PRDM16: variants seen among roughly 807,000 people sequenced by gnomAD.
PRDM16 encodes the protein histone-lysine N-methyltransferase PRDM16.
A neutral mutation model predicts 110.6 loss-of-function variants in PRDM16; 23 were observed. That is an observed-to-expected ratio of 0.21 (90% CI 0.15 to 0.29). PRDM16 has a LOEUF of 0.29. Ranked by LOEUF, PRDM16 falls within the 10% of genes least tolerant of loss-of-function variation. PRDM16 has a pLI of 1.00. For missense variants in PRDM16, 1,615 were observed against 1,794.3 expected, an observed-to-expected ratio of 0.90 and a Z score of 1.81; for synonymous variants, 799 against 781.8, an observed-to-expected ratio of 1.02 and a Z score of -0.37.
chr1:3,119,291 C>CA (rs1382992439), intron 1 of PRDM16, among the ~76,000 whole-genome samples: 2 of 152,236 alleles, frequency 1.3e-5, no homozygotes, highest in African/African-American at 4.8e-5. Context: ...GTGCCGTGGA[C>CA]ATTCTTTGTG....
At chr1:3,099,899 C>T (rs1180972565) in intron 1 of PRDM16, among the ~76,000 whole-genome samples, 2 of 152,212 alleles carry the variant, frequency 1.3e-5, no homozygotes, top group African/African-American at 4.8e-5. Context: ...TACAGAGGAC[C>T]TGAAGGCTCT....
In PRDM16 at chr1:3,404,805, C is replaced by T. The variant is rs1265460691; in HGVS notation, c.951C>T (p.Ala317=). The T allele has an allele frequency of 6.2e-7, 1 of 1,613,742 alleles. No individual in the cohort carries two copies. Among genetic ancestry groups the T allele is most frequent in the South Asian group, 1.1e-5 (1 of 91,088 alleles). Reference sequence around the variant, plus strand: ...ACAAATGCGACCAGTGTCCCAAGGCCTTCAACTGGAAGTCCAACCTCATCC... The same window carrying T: ...ACAAATGCGACCAGTGTCCCAAGGCTTTCAACTGGAAGTCCAACCTCATCC... ...REYKCDQCPK[A]FNWKSNLIRH... Residue 317 remains alanine, a synonymous_variant, in exon 7 of 17, where the codon GCC becomes GCT. Transcript: ENST00000270722.
At chr1:3,109,265 G>A (rs1445881472) in intron 1 of PRDM16, among the ~76,000 whole-genome samples, 2 of 152,062 alleles carry the variant, frequency 1.3e-5, no homozygotes, top group Non-Finnish European at 2.9e-5. Context: ...CAGGTGGGTG[G>A]GCTGCCACCA....
intron 1 of PRDM16, among the ~76,000 whole-genome samples, chr1:3,072,294 T>G (rs1641782772): frequency 6.6e-6 from 1 of 152,206 alleles, no homozygotes; most frequent in African/African-American, 2.4e-5. Context: ...TGGATCACCA[T>G]CGCCCTCATA....
At chr1:3,114,199 GCA>G (rs1553127283) in intron 1 of PRDM16, among the ~76,000 whole-genome samples, 3 of 110,350 alleles carry the variant, frequency 2.7e-5, no homozygotes, top group African/African-American at 1.1e-4. Flanking sequence ...ACACGCACAC[GCA>G]CGCACACACG....
At chr1:3,267,260 C>CA (rs1640316718) in intron 3 of PRDM16, among the ~76,000 whole-genome samples, 1 of 152,190 alleles carries the variant, frequency 6.6e-6, no homozygotes. Flanking sequence ...CTCATGGAGT[C>CA]ATGCAGCGTG....
chr1:3,409,185 G>C (rs569835622), intron 8 of PRDM16, among the ~76,000 whole-genome samples: 2 of 146,724 alleles, frequency 1.4e-5, no homozygotes, highest in South Asian at 2.1e-4. Flanking sequence ...GAGTTGGTGC[G>C]TGTGTGTGTG....
intron 2 of PRDM16, among the ~76,000 whole-genome samples, chr1:3,215,602 C>T (rs577452660): frequency 2.0e-5 from 3 of 152,336 alleles, no homozygotes; most frequent in South Asian, 4.1e-4. Flanking sequence ...CAGAACCCCA[C>T]AGGGGCCCTG....
At chr1:3,087,096 G>T (rs2493213) in intron 1 of PRDM16, among the ~76,000 whole-genome samples, 109,016 of 151,896 alleles carry the variant, frequency 0.72, 39,516 homozygotes, top group East Asian at 0.89. Flanking sequence ...CTTCTTGGGA[G>T]CACCTGTTCC....
intron 4 of PRDM16, among the ~76,000 whole-genome samples, chr1:3,393,979 G>GC (rs1643340871): frequency 6.6e-6 from 1 of 152,168 alleles, no homozygotes; most frequent in African/African-American, 2.4e-5. Context: ...GGAGCCCGCG[G>GC]CCCGGCGCGC....
intron 14 of PRDM16, among the ~76,000 whole-genome samples, chr1:3,430,251 C>A (rs1638729488): frequency 6.6e-6 from 1 of 152,186 alleles, no homozygotes; most frequent in Admixed American, 6.5e-5. Flanking sequence ...TACTGAGGAA[C>A]CGGAGTGGAG....
intron 1 of PRDM16, among the ~76,000 whole-genome samples, chr1:3,079,089 C>G (rs1298767784): frequency 6.6e-6 from 1 of 152,254 alleles, no homozygotes; most frequent in Non-Finnish European, 1.5e-5. Context: ...TCCGACGGCT[C>G]CGGGCATTAA....
At chr1:3,237,287 G>A (rs941845005) in intron 2 of PRDM16, among the ~76,000 whole-genome samples, 4 of 152,030 alleles carry the variant, frequency 2.6e-5, no homozygotes, top group Admixed American at 1.3e-4. Flanking sequence ...CGTCTCTGGG[G>A]TGCTCATTTG....
intron 1 of PRDM16, among the ~76,000 whole-genome samples, chr1:3,140,841 C>A (rs370867400): frequency 6.6e-6 from 1 of 152,226 alleles, no homozygotes; most frequent in Admixed American, 6.5e-5. Context: ...GGGCTTCCCT[C>A]GGCAAAACCG....
At chr1:3,226,399 C>A (rs1639289768) in intron 2 of PRDM16, among the ~76,000 whole-genome samples, 1 of 152,200 alleles carries the variant, frequency 6.6e-6, no homozygotes, top group South Asian at 2.1e-4. Flanking sequence ...CCCCGGATCC[C>A]TCCACGGCTT....
intron 6 of PRDM16, 63 bp downstream of exon 6, chr1:3,403,061 TTCCCGTGCCCTCCTCTGAGTCTTCCTCC>T: frequency 2.7e-6 from 2 of 732,998 alleles, no homozygotes; most frequent in Non-Finnish European, 3.6e-6. Context: ...CTTCCTCCCC[TTCCCGTGCCCTCCTCTGAGTCTTCCTCC>T]CCTCCCTTCC....
intron 1 of PRDM16, among the ~76,000 whole-genome samples, chr1:3,160,713 G>A (rs1050162977): frequency 6.6e-6 from 1 of 152,206 alleles, no homozygotes; most frequent in Non-Finnish European, 1.5e-5. Flanking sequence ...GTGACCCTTG[G>A]CTCAAGACAG....
At position 3,370,833 on chromosome 1, in the gene PRDM16, C is replaced by T. The variant is rs1212377392; in HGVS notation, c.439-14319C>T. ...TTTATTAATCCATCCACCATCTATT[C>T]ATCCATCCGTCCACCCACCCATCCA... On this transcript the variant is annotated intron_variant, in intron 3 of 16. Transcript: ENST00000270722. The surrounding 1 kb of genome is among the most constrained non-coding windows in gnomAD (Gnocchi z 4.8). 6.6e-6 allele frequency among the ~76,000 whole-genome samples: 1 copy of T among 152,100 alleles called. No homozygotes were observed. Among genetic ancestry groups the T allele is most frequent in the African/African-American group, 2.4e-5 (1 of 41,396 alleles).
chr1:3,111,842 C>G (rs941796881), intron 1 of PRDM16, among the ~76,000 whole-genome samples: 2 of 152,228 alleles, frequency 1.3e-5, no homozygotes, highest in African/African-American at 4.8e-5. Flanking sequence ...GACAGCGCCA[C>G]GATAATTCAC....
Sources: gnomAD v4.1 joint callset for allele counts (sites outside exome capture counted in the v4.1 genomes callset) on GRCh38, gnomAD v4.1.1 for gene constraint, Gnocchi (gnomAD v3.1) non-coding constraint, MANE v1.5 for transcripts, NCBI Gene and HGNC (gene_info 2026-07-23, HGNC 2026-07-21) for gene names.